ULK4: variants seen among roughly 807,000 people sequenced by gnomAD.
ULK4 encodes the protein inactive serine/threonine-protein kinase ULK4.
Under a neutral mutation model 160.6 loss-of-function variants are expected in ULK4, and 133 were observed. The observed-to-expected ratio is 0.83, with a 90% CI of 0.72 to 0.96. ULK4 has a LOEUF of 0.96. ULK4 is among the 40% of genes least tolerant of loss of function. The pLI is 0.00. For missense variants in ULK4, 1,580 were observed against 1,499.5 expected, an observed-to-expected ratio of 1.05 and a Z score of -0.89; for synonymous variants, 534 against 539.8, an observed-to-expected ratio of 0.99 and a Z score of 0.15.
intron 32 of ULK4, among the ~76,000 whole-genome samples, chr3:41,481,751 C>T (rs2084330472): frequency 6.9e-6 from 1 of 144,304 alleles, no homozygotes; most frequent in Non-Finnish European, 1.5e-5. Flanking sequence ...GGCGTGAACC[C>T]GGGAGGCGGA....
At chr3:41,732,212 C>G (rs1453715240) in intron 22 of ULK4, among the ~76,000 whole-genome samples, 1 of 151,868 alleles carries the variant, frequency 6.6e-6, no homozygotes, top group Non-Finnish European at 1.5e-5. Flanking sequence ...AAAATATTCT[C>G]AATCCATGCA....
intron 21 of ULK4, among the ~76,000 whole-genome samples, chr3:41,786,932 T>A (rs1449117519): frequency 2.0e-5 from 3 of 152,002 alleles, no homozygotes; most frequent in Non-Finnish European, 2.9e-5. Flanking sequence ...GCCTCTTATA[T>A]CCCAGATTGG....
At chr3:41,699,540 C>T (rs1179559006) in intron 27 of ULK4, among the ~76,000 whole-genome samples, 1 of 152,124 alleles carries the variant, frequency 6.6e-6, no homozygotes, top group African/African-American at 2.4e-5. Flanking sequence ...CAAATCGTGG[C>T]TTTCTCACTG....
At chr3:41,590,868 G>A (rs992932913) in intron 31 of ULK4, among the ~76,000 whole-genome samples, 21 of 150,910 alleles carry the variant, frequency 1.4e-4, no homozygotes, top group Admixed American at 9.2e-4. Flanking sequence ...ACATGTAATT[G>A]AGGATAAAAT....
intron 35 of ULK4, among the ~76,000 whole-genome samples, chr3:41,375,332 C>T (rs1012177327): frequency 5.9e-5 from 9 of 151,860 alleles, no homozygotes; most frequent in South Asian, 4.2e-4. Flanking sequence ...CAAGACAATC[C>T]TAAGCAAAAA....
chr3:41,480,164 A>C (rs1429323958), intron 32 of ULK4, among the ~76,000 whole-genome samples: 1 of 144,096 alleles, frequency 6.9e-6, no homozygotes, highest in East Asian at 2.0e-4. Context: ...CCAAGATTGC[A>C]CCACTGCGCT....
chr3:41,738,923 G>C (rs1184098505), intron 22 of ULK4, among the ~76,000 whole-genome samples: 1 of 151,854 alleles, frequency 6.6e-6, no homozygotes, highest in African/African-American at 2.4e-5. Flanking sequence ...AGCATATCTA[G>C]TACTACTTGA....
At chr3:41,850,774 T>C (rs2042191755) in intron 17 of ULK4, among the ~76,000 whole-genome samples, 1 of 152,238 alleles carries the variant, frequency 6.6e-6, no homozygotes, top group Non-Finnish European at 1.5e-5. Flanking sequence ...TTCACTCTGA[T>C]GGTAGCTGCT....
chr3:41,409,212 C>T (rs528800785), intron 34 of ULK4, among the ~76,000 whole-genome samples: 4 of 152,072 alleles, frequency 2.6e-5, no homozygotes, highest in East Asian at 1.9e-4. Context: ...GTGGAGATCA[C>T]GCCACTGCAC....
intron 20 of ULK4, among the ~76,000 whole-genome samples, chr3:41,797,670 G>A (rs1272699228): frequency 6.6e-6 from 1 of 152,078 alleles, no homozygotes; most frequent in Non-Finnish European, 1.5e-5. Flanking sequence ...GACCAGCCTG[G>A]CCAACATGGT....
chr3:41,917,389 G>A (rs1228758907), intron 7 of ULK4, among the ~76,000 whole-genome samples: 7 of 151,978 alleles, frequency 4.6e-5, no homozygotes, highest in Admixed American at 2.6e-4. Context: ...CTATAGTCCC[G>A]GCTACTTGGG....
At chr3:41,446,207 A>G (rs1301527817) in intron 34 of ULK4, among the ~76,000 whole-genome samples, 1 of 152,194 alleles carries the variant, frequency 6.6e-6, no homozygotes, top group Non-Finnish European at 1.5e-5. Flanking sequence ...AATGGCAATC[A>G]TTAAAAAGTC....
intron 32 of ULK4, among the ~76,000 whole-genome samples, chr3:41,509,042 G>A (rs1214206503): frequency 6.6e-6 from 1 of 151,944 alleles, no homozygotes; most frequent in East Asian, 1.9e-4. Flanking sequence ...ATCAGAGAAA[G>A]GTGAACTCCA....
At chr3:41,504,936 T>C (rs1027051255) in intron 32 of ULK4, among the ~76,000 whole-genome samples, 1 of 152,124 alleles carries the variant, frequency 6.6e-6, no homozygotes, top group African/African-American at 2.4e-5. Flanking sequence ...TATACCAATA[T>C]TAACTCTCAG....
chr3:41,377,925 G>A (rs1220964458), intron 35 of ULK4, among the ~76,000 whole-genome samples: 1 of 151,424 alleles, frequency 6.6e-6, no homozygotes, highest in Admixed American at 6.6e-5. Context: ...ACATGCACAT[G>A]TATGTTTATT....
chr3:41,765,229 T>TA (rs1430244513), intron 21 of ULK4, among the ~76,000 whole-genome samples: 1 of 152,092 alleles, frequency 6.6e-6, no homozygotes, highest in Non-Finnish European at 1.5e-5. Context: ...TATACAGCCA[T>TA]AAAAAATGAT....
At chr3:41,523,576 CAT>C (rs2086008751) in intron 32 of ULK4, among the ~76,000 whole-genome samples, 2 of 151,900 alleles carry the variant, frequency 1.3e-5, no homozygotes, top group African/African-American at 4.8e-5. Flanking sequence ...TTAAAAACCA[CAT>C]GAGACATTAC....
chr3:41,842,876 G>A (rs1256734747), intron 17 of ULK4, among the ~76,000 whole-genome samples: 2 of 152,192 alleles, frequency 1.3e-5, no homozygotes, highest in African/African-American at 4.8e-5. Context: ...CTCCACACAA[G>A]AATAGCCAAG....
At chr3:41,936,036 T>C (rs566039032) in intron 3 of ULK4, 96 bp from the exon 4 acceptor site, 607 of 1,495,674 alleles carry the variant, frequency 4.1e-4, no homozygotes, top group Non-Finnish European at 5.3e-4. Context: ...CATTAAAAAA[T>C]GATCAAGACA....
Sources: allele counts gnomAD v4.1 joint callset (sites outside exome capture counted in the v4.1 genomes callset), GRCh38; gene constraint gnomAD v4.1.1; transcripts MANE v1.5; gene names NCBI Gene and HGNC (gene_info 2026-07-23, HGNC 2026-07-21).